The following SLC9C2 variants were observed in gnomAD, a reference collection of about 807,000 sequenced individuals.
SLC9C2 encodes the protein sodium/hydrogen exchanger 11.
In SLC9C2, 75 loss-of-function variants were observed where a neutral mutation model predicts 140.2. The observed-to-expected ratio is 0.53, with a 90% CI of 0.44 to 0.65. SLC9C2 has a LOEUF of 0.65. Among genes scored for constraint, SLC9C2 ranks in the 30% least tolerant of loss-of-function variants. SLC9C2 has a pLI of 0.00. For missense variants in SLC9C2, 1,074 were observed against 1,331.8 expected (o/e 0.81, Z 3.01); for synonymous variants, 375 against 420.9 (o/e 0.89, Z 1.34).
intron 8 of SLC9C2, among the ~76,000 whole-genome samples, chr1:173,575,002 C>G (rs1411594035): frequency 6.6e-6 from 1 of 152,014 alleles, no homozygotes; most frequent in Admixed American, 6.6e-5. Context: ...TGCCTGTAGT[C>G]CCAGCTACTT....
rs371293773 is a variant in SLC9C2, at chr1:173,574,795, C to A, written c.903-1470G>T. ...AAAGTGCTGGGATTACAGGCATGAG[C>A]CACCGCACCCGGCCTGAGTTAAATA... On this transcript the variant is annotated intron_variant, in intron 8 of 27. Coordinates refer to ENST00000367714, the MANE Select transcript of SLC9C2 (RefSeq NM_178527.4). Among the ~76,000 whole-genome samples, 135 of 152,144 alleles carry A rather than the reference C, an allele frequency of 8.9e-4. 1 individual carries two copies. The highest frequency in any genetic ancestry group is 3.1e-3 in the African/African-American group (130 of 41,498).
At chr1:173,598,886 C>T (rs1346145411) in intron 3 of SLC9C2, among the ~76,000 whole-genome samples, 3 of 152,166 alleles carry the variant, frequency 2.0e-5, no homozygotes, top group African/African-American at 7.2e-5. Context: ...TGGGTACAAG[C>T]ATTATCTCCA....
At chr1:173,572,642 G>T (rs2102177807) in intron 9 of SLC9C2, among the ~76,000 whole-genome samples, 1 of 152,188 alleles carries the variant, frequency 6.6e-6, no homozygotes, top group South Asian at 2.1e-4. Flanking sequence ...ACATTCTCTG[G>T]GCTTCGTCTG....
At chr1:173,550,435 TATTTATTTA>T (rs1171531847) in intron 11 of SLC9C2, among the ~76,000 whole-genome samples, 2 of 123,156 alleles carry the variant, frequency 1.6e-5, no homozygotes, top group Non-Finnish European at 1.6e-5. Flanking sequence ...TTTATTTATT[TATTTATTTA>T]TTTATTTATT....
chr1:173,574,890 G>A (rs1343297867), intron 8 of SLC9C2, among the ~76,000 whole-genome samples: 1 of 152,100 alleles, frequency 6.6e-6, no homozygotes, highest in African/African-American at 2.4e-5. Flanking sequence ...AGGCTGAGGA[G>A]GATAGATTGC....
At chr1:173,512,952 T>C (rs1371178529) in intron 23 of SLC9C2, among the ~76,000 whole-genome samples, 3 of 152,242 alleles carry the variant, frequency 2.0e-5, no homozygotes, top group African/African-American at 7.2e-5. Flanking sequence ...GGATTATGTT[T>C]ATTGATTTGC....
At chr1:173,557,568 T>A (rs1011128059) in intron 9 of SLC9C2, 60 bp from the exon 10 acceptor site, 1 of 1,457,396 alleles carries the variant, frequency 6.9e-7, no homozygotes, top group African/African-American at 1.4e-5. Flanking sequence ...TATTCATAGT[T>A]GAAAGCAAGT....
intron 7 of SLC9C2, among the ~76,000 whole-genome samples, chr1:173,581,180 T>C (rs1665508518): frequency 6.6e-6 from 1 of 152,190 alleles, no homozygotes; most frequent in African/African-American, 2.4e-5. Flanking sequence ...TGCTTCACTG[T>C]CTGAGATGAG....
intron 13 of SLC9C2, among the ~76,000 whole-genome samples, chr1:173,541,247 CAA>C (rs1289646197): frequency 6.6e-6 from 1 of 151,532 alleles, no homozygotes; most frequent in Non-Finnish European, 1.5e-5. Flanking sequence ...CAACAAACAT[CAA>C]AAGAGACAAA....
chr1:173,530,855 G>A (rs374159847), intron 17 of SLC9C2, among the ~76,000 whole-genome samples: 17 of 152,256 alleles, frequency 1.1e-4, no homozygotes, highest in African/African-American at 4.1e-4. Flanking sequence ...AAAGTGAACC[G>A]GGAGATGGCA....
intron 21 of SLC9C2, 125 bp from the exon 22 acceptor site, chr1:173,521,524 GTA>G (rs3052169): frequency 0.034 from 8,332 of 247,084 alleles, 661 homozygotes; most frequent in African/African-American, 0.17. Context: ...GTGTGTGTGT[GTA>G]TATATATATA....
chr1:173,601,604 G>C (rs769174265), intron 2 of SLC9C2, 46 bp downstream of exon 2: 2 of 1,591,318 alleles, frequency 1.3e-6, no homozygotes, highest in Non-Finnish European at 1.7e-6. Context: ...ATTGACAAAA[G>C]GTTCACAGGG....
chr1:173,541,402 T>C (rs564303046), intron 13 of SLC9C2, among the ~76,000 whole-genome samples: 261 of 152,148 alleles, frequency 1.7e-3, no homozygotes, highest in Non-Finnish European at 3.1e-3. Context: ...TCCCACATAA[T>C]AATAATGGGA....
intron 23 of SLC9C2, among the ~76,000 whole-genome samples, 178 bp downstream of exon 23, chr1:173,517,359 T>A (rs1558020991): frequency 6.6e-6 from 1 of 152,212 alleles, no homozygotes; most frequent in Non-Finnish European, 1.5e-5. Flanking sequence ...TTAGGCAGGA[T>A]GCAGTGGAGC....
In SLC9C2 at chr1:173,533,617, G is replaced by T; in HGVS notation, c.2155C>A (p.Leu719Ile). 1 of 1,586,732 alleles carries T rather than the reference G, an allele frequency of 6.3e-7. No individual in the cohort carries two copies. Among genetic ancestry groups the T allele is most frequent in the South Asian group, 1.1e-5 (1 of 88,314 alleles). ...GYLRIIRFLPLFKIIVPILIR... is the reference protein window; with the variant it reads ...GYLRIIRFLPIFKIIVPILIR... The stretch of plus-strand genomic sequence containing the variant: ...AAAATGTGAAATCTTACCTTGAAGA[G>T]AGGAAGAAACCTAATTATTCTTAAA... The change falls in exon 17 of 28, where the codon CTC becomes ATC. Residue 719 changes from leucine (L) to isoleucine (I), a missense_variant. Physicochemically the swap from Leu to Ile is conservative, Grantham distance 5. Transcript: ENST00000367714.
At chr1:173,511,224 G>A (rs1178142298) in intron 23 of SLC9C2, among the ~76,000 whole-genome samples, 2 of 151,632 alleles carry the variant, frequency 1.3e-5, no homozygotes, top group Non-Finnish European at 2.9e-5. Flanking sequence ...TAGGGATGGG[G>A]TTTCCCCATG....
At chr1:173,524,516 C>T (rs1463807832) in intron 20 of SLC9C2, among the ~76,000 whole-genome samples, 2 of 152,292 alleles carry the variant, frequency 1.3e-5, no homozygotes, top group South Asian at 2.1e-4. Context: ...AAGTACTCTG[C>T]GTCCTTTTGA....
intron 7 of SLC9C2, among the ~76,000 whole-genome samples, chr1:173,580,435 T>C (rs1171601733): frequency 2.6e-5 from 4 of 151,932 alleles, no homozygotes; most frequent in Non-Finnish European, 5.9e-5. Context: ...CACTGCAACC[T>C]CTGCCTCCCG....
intron 23 of SLC9C2, among the ~76,000 whole-genome samples, chr1:173,514,434 T>C (rs1660274950): frequency 6.6e-6 from 1 of 152,244 alleles, no homozygotes; most frequent in Admixed American, 6.5e-5. Flanking sequence ...TTTTTTGATC[T>C]TTATTAAAGT....
Sources: allele counts gnomAD v4.1 joint callset (sites outside exome capture counted in the v4.1 genomes callset), GRCh38; gene constraint gnomAD v4.1.1; transcripts MANE v1.5; gene names NCBI Gene and HGNC (gene_info 2026-07-23, HGNC 2026-07-21).